LAMA5: variants seen among roughly 807,000 people sequenced by gnomAD.
LAMA5 encodes laminin subunit alpha-5.
LAMA5 carries 260 observed loss-of-function variants against 433.4 expected under a neutral mutation model. The ratio of observed to expected loss-of-function variants is 0.60; its 90% confidence interval spans 0.54 to 0.66. The LOEUF (loss-of-function observed/expected upper bound fraction) is 0.66, where lower values mean the gene tolerates loss of function less well. Among genes scored for constraint, LAMA5 ranks in the 30% least tolerant of loss-of-function variants. The pLI is 0.00. For missense variants in LAMA5, 5,378 were observed against 5,258.5 expected (o/e 1.02, Z -0.70); for synonymous variants, 2,620 against 2,226.6 (o/e 1.18, Z -4.97).
chr20:62,328,057 C>T (rs971493408), intron 35 of LAMA5, 47 bp from the exon 36 acceptor site: 6 of 1,607,362 alleles, frequency 3.7e-6, no homozygotes, highest in Non-Finnish European at 4.2e-6. Context: ...AGGTCACTCA[C>T]ACCAAAGTGA....
Position 62,332,984 on chromosome 20 carries a change from C to G in LAMA5, c.3282+106G>C, listed in dbSNP as rs1186787097. On this transcript the variant is annotated intron_variant, in intron 26 of 79. Coordinates refer to ENST00000252999, the MANE Select transcript of LAMA5 (RefSeq NM_005560.6). ...CTGCCTGGGTGCTGGGCTCCATTGCCTGAGGCAGCGCCCTGCTCCTATAAC... is the reference window on the plus strand; with the variant it reads ...CTGCCTGGGTGCTGGGCTCCATTGCGTGAGGCAGCGCCCTGCTCCTATAAC... 4.5e-6 allele frequency: 6 copies of G among 1,328,148 alleles called. No individual in the cohort carries two copies. In the African/African-American group the frequency reaches 9.3e-5, roughly 21 times the overall value. 82.3% of individuals were successfully genotyped at this position (1,328,148 alleles called of 1,614,324 possible).
In LAMA5 at chr20:62,367,151, G is replaced by A; in HGVS notation, c.95C>T (p.Ala32Val). The A allele has an allele frequency of 7.9e-7, 1 of 1,259,394 alleles. No homozygotes were observed. The highest frequency in any genetic ancestry group is 9.9e-7 in the Non-Finnish European group (1 of 1,005,374). 78.0% of individuals were successfully genotyped at this position (1,259,394 alleles called of 1,614,324 possible). The change falls in exon 1 of 80, where the codon GCG becomes GTG. Residue 32 changes from alanine (A) to valine (V), a missense_variant. By Grantham distance (64) the Ala-to-Val change is moderately conservative. Transcript: ENST00000252999. ...GCCCGCCTCCTCCCGCGCCCGCGCC[G>A]CGCCCAGCAGCGCCAGCCCGACCAG... ...LLLVGLALLG[A>V]ARAREEAGGG... is the part of the protein sequence containing the mutation.
chr20:62,311,107 C>T lies in LAMA5; in HGVS notation c.10089-13G>A. Reference sequence around the variant, plus strand: ...GGAGAGACTGGGCCTGGAAGCGGAGCTGGCGTCAGCCTGCGCGGCCCCTCT... The same window carrying T: ...GGAGAGACTGGGCCTGGAAGCGGAGTTGGCGTCAGCCTGCGCGGCCCCTCT... On this transcript the variant is annotated splice_polypyrimidine_tract_variant and intron_variant, in intron 73 of 79. Transcript: ENST00000252999. The T allele has an allele frequency of 6.4e-7, 1 of 1,567,714 alleles. No individual in the cohort carries two copies. Among genetic ancestry groups the T allele is most frequent in the East Asian group, 2.3e-5 (1 of 44,258 alleles).
At chr20:62,328,078 GCAC>G in intron 35 of LAMA5, 68 bp from the exon 36 acceptor site, 1 of 1,592,654 alleles carries the variant, frequency 6.3e-7, no homozygotes, top group Non-Finnish European at 8.5e-7. Flanking sequence ...GACCTCGTAG[GCAC>G]CCCCCACCCA....
intron 1 of LAMA5, among the ~76,000 whole-genome samples, chr20:62,365,162 A>G (rs373531012): frequency 6.6e-4 from 100 of 152,314 alleles, no homozygotes; most frequent in African/African-American, 2.2e-3. Flanking sequence ...CGAAGGGTTC[A>G]CCTCTATTGC....
chr20:62,330,089 G>A (rs1158874156), intron 31 of LAMA5, among the ~76,000 whole-genome samples, 173 bp from the exon 32 acceptor site: 1 of 152,230 alleles, frequency 6.6e-6, no homozygotes, highest in Non-Finnish European at 1.5e-5. Flanking sequence ...CACGGGGGTT[G>A]GCCGCATCAT....
intron 11 of LAMA5, among the ~76,000 whole-genome samples, chr20:62,340,499 C>T (rs868048369): frequency 1.3e-4 from 20 of 150,984 alleles, no homozygotes; most frequent in Admixed American, 9.3e-4. Flanking sequence ...TTAGTAGAGA[C>T]GGGGTTTCTC....
chr20:62,310,210 G>A lies in LAMA5; in HGVS notation c.10702C>T (p.Pro3568Ser), dbSNP rs199818675. ...IFHLGQARTP[P>S]YLQLQVTEKQ... ...TCGGTCACCTGCAACTGCAAGTAGG[G>A]GGGCGTCCGGGCCTGGCCCAAGTGG... The change falls in exon 77 of 80, where the codon CCC (proline) becomes TCC (serine). Residue 3568 changes from proline to serine, a missense_variant. Transcript: ENST00000252999. The A allele has an allele frequency of 8.7e-6, 14 of 1,612,560 alleles. No individual in the cohort carries two copies. The highest frequency in any genetic ancestry group is 1.1e-5 in the Non-Finnish European group (13 of 1,179,950).
chr20:62,314,498 C>G (rs1401302728), intron 61 of LAMA5, 57 bp downstream of exon 61: 3 of 1,609,234 alleles, frequency 1.9e-6, no homozygotes, highest in Non-Finnish European at 2.5e-6. Context: ...GACCAGGCAC[C>G]GCTCATTTCC....
intron 6 of LAMA5, among the ~76,000 whole-genome samples, chr20:62,350,577 G>A (rs1300324540): frequency 1.3e-5 from 2 of 152,182 alleles, no homozygotes. Context: ...AGAAGGCAAG[G>A]GCGGGTCCCA....
intron 23 of LAMA5, 49 bp downstream of exon 23, chr20:62,333,852 G>GTGGGCTGGGC (rs555202728): frequency 2.5e-5 from 36 of 1,434,324 alleles, no homozygotes; most frequent in East Asian, 1.5e-4. Flanking sequence ...GTGGGGTGGG[G>GTGGGCTGGGC]TGGGCTGGGC....
chr20:62,355,032 C>T (rs1193378486), intron 2 of LAMA5, among the ~76,000 whole-genome samples: 1 of 152,238 alleles, frequency 6.6e-6, no homozygotes, highest in African/African-American at 2.4e-5. Context: ...CACACCTCCC[C>T]TGACGGGCCC....
intron 1 of LAMA5, among the ~76,000 whole-genome samples, chr20:62,364,743 TG>T (rs1429529157): frequency 2.0e-5 from 3 of 152,218 alleles, no homozygotes; most frequent in African/African-American, 7.2e-5. Flanking sequence ...GCCCTCTGCC[TG>T]CTCCAGCTGC....
At position 62,346,797 on chromosome 20, in the gene LAMA5, C is replaced by T; in HGVS notation, c.1076G>A (p.Cys359Tyr). ...TANSANECQSCNCYGHATDCY... is the reference protein window; with the variant it reads ...TANSANECQSYNCYGHATDCY... ...GTCGGTGGCATGGCCGTAGCAGTTA[C>T]AGGCTAGAGAGAGGGGAGCGCAGCT... The change falls in exon 8 of 80, where the codon TGT (cysteine) becomes TAT (tyrosine). Residue 359 changes from cysteine to tyrosine, a missense_variant. Coordinates refer to ENST00000252999, the MANE Select transcript of LAMA5 (RefSeq NM_005560.6). The T allele has an allele frequency of 1.2e-6, 2 of 1,611,818 alleles. No homozygotes were observed. The highest frequency in any genetic ancestry group is 1.7e-6 in the Non-Finnish European group (2 of 1,179,318).
Position 62,366,976 on chromosome 20 carries a change from G to A in LAMA5, c.270C>T (p.Ala90=), listed in dbSNP as rs981832514. ...GGATGGTCTGGTTGGGGTCGCCGCC[G>A]GCCACGGGGCCCCCTACCAGCTTGC... ...LYCKLVGGPV[A]GGDPNQTIRG... The change falls in exon 1 of 80, where the codon GCC becomes GCT. Residue 90 remains alanine, a synonymous_variant. Coordinates refer to ENST00000252999, the MANE Select transcript of LAMA5 (RefSeq NM_005560.6). 2.3e-6 allele frequency: 3 copies of A among 1,277,938 alleles called. No individual in the cohort carries two copies. Among genetic ancestry groups the A allele is most frequent in the Non-Finnish European group, 3.0e-6 (3 of 1,013,014 alleles). The allele number at this position is 1,277,938 out of a possible 1,614,324, so 79.2% of individuals were successfully genotyped here.
At chr20:62,345,573 AT>A in intron 11 of LAMA5, 1 of 645,702 alleles carries the variant, frequency 1.5e-6, no homozygotes, top group Non-Finnish European at 2.8e-6. Context: ...CACCCAGCTA[AT>A]TTTTGTATTT....
At chr20:62,314,248 G>C (rs115033518) in intron 62 of LAMA5, 56 bp downstream of exon 62, 7 of 1,572,412 alleles carry the variant, frequency 4.5e-6, no homozygotes, top group Non-Finnish European at 6.0e-6. Context: ...GAGAGATGGC[G>C]AACGGGCAAG....
Position 62,311,790 on chromosome 20 carries a change from G to GGGCGGGA in LAMA5, c.9636-13_9636-7dup, listed in dbSNP as rs1427230491. ...CATCGACATACAGCCAGACTCTGGG[G>GGGCGGGA]GGCGGGAGGCCGGAGGCTCGGTTTT... On this transcript the variant is annotated splice_polypyrimidine_tract_variant and splice_region_variant and intron_variant, in intron 70 of 79. Transcript: ENST00000252999. 1.3e-6 allele frequency: 2 copies of GGGCGGGA among 1,558,498 alleles called. No homozygotes were observed. Among genetic ancestry groups the GGGCGGGA allele is most frequent in the East Asian group, 2.3e-5 (1 of 43,268 alleles).
Position 62,322,163 on chromosome 20 carries a change from G to C in LAMA5, c.6352C>G (p.Gln2118Glu), listed in dbSNP as rs776882133. Residue 2118 changes from glutamine (Q) to glutamate (E), a missense_variant, in exon 48 of 80, where the codon CAG becomes GAG. By Grantham distance (29) the Gln-to-Glu change is conservative. Transcript: ENST00000252999. ...GGGTCACAGCGGCCCCCAGGGCACT[G>C]GCAGCCTGTGGTGGGGGGCTTGGGT... is the stretch of plus-strand genomic sequence containing the variant. ...GLPEQGCRRC[Q>E]CPGGRCDPHT... The C allele has an allele frequency of 1.3e-6, 2 of 1,593,240 alleles. No individual in the cohort carries two copies. The highest frequency in any genetic ancestry group is 1.7e-6 in the Non-Finnish European group (2 of 1,172,192).
Sources: gnomAD v4.1 joint callset for allele counts (sites outside exome capture counted in the v4.1 genomes callset) on GRCh38, gnomAD v4.1.1 for gene constraint, MANE v1.5 for transcripts, NCBI Gene and HGNC (gene_info 2026-07-23, HGNC 2026-07-21) for gene names.